PCOLCE: variants seen among roughly 807,000 people sequenced by gnomAD.
PCOLCE encodes procollagen C-endopeptidase enhancer 1.
PCOLCE carries 33 observed loss-of-function variants against 47.2 expected under a neutral mutation model. The observed-to-expected ratio is 0.70, with a 90% CI of 0.53 to 0.93. The LOEUF is 0.93. Among genes scored for constraint, PCOLCE ranks in the 40% least tolerant of loss-of-function variants. The pLI, the probability that PCOLCE is intolerant of heterozygous loss-of-function variation, is 0.00. For missense variants in PCOLCE, 584 were observed against 585.3 expected (o/e 1.00, Z 0.02); for synonymous variants, 254 against 252.5 (o/e 1.01, Z -0.06).
chr7:100,604,247 C>T lies in PCOLCE; in HGVS notation c.463+30C>T. 3.2e-6 allele frequency: 5 copies of T among 1,581,850 alleles called. No individual in the cohort carries two copies. The highest frequency in any genetic ancestry group is 1.3e-5 in the African/African-American group (1 of 74,490). On this transcript the variant is annotated intron_variant, in intron 3 of 8. Coordinates refer to ENST00000223061, the MANE Select transcript of PCOLCE (RefSeq NM_002593.4). The surrounding 1 kb of genome is among the most constrained non-coding windows in gnomAD (Gnocchi z 6.4). ...GAACTCCCTCACCTCCGCCTTCCCC[C>T]CCTCCAGGCCCCGCCCCGGCCGCAG...
chr7:100,605,633 A>G lies in PCOLCE; in HGVS notation c.589-43A>G, dbSNP rs373571999. ...AGTAGGAGATGAGGTGCAGGCGCCC[A>G]GGGGTGTCCCGCCGCGCAGTCCCCG... On this transcript the variant is annotated intron_variant, in intron 4 of 8. Coordinates refer to ENST00000223061, the MANE Select transcript of PCOLCE (RefSeq NM_002593.4). This position sits in a 1 kb window ranked among gnomAD's most constrained non-coding sequence, Gnocchi z 6.1. 6.4e-7 allele frequency: 1 copy of G among 1,552,598 alleles called. No homozygotes were observed. Among genetic ancestry groups the G allele is most frequent in the Middle Eastern group, 1.9e-4 (1 of 5,238 alleles).
chr7:100,607,118 G>A (rs544716375), intron 6 of PCOLCE, among the ~76,000 whole-genome samples: 362 of 136,392 alleles, frequency 2.7e-3, no homozygotes, highest in African/African-American at 9.8e-3. Context: ...TTAGCCAGGC[G>A]TGTGGTCATA....
In PCOLCE at chr7:100,602,373, C is replaced by T; in HGVS notation, c.-84C>T. 1 of 910,094 alleles carries T rather than the reference C, an allele frequency of 1.1e-6. No individual in the cohort carries two copies. Among genetic ancestry groups the T allele is most frequent in the Non-Finnish European group, 1.8e-6 (1 of 550,736 alleles). 56.4% of individuals were successfully genotyped at this position (910,094 alleles called of 1,614,324 possible). A position where few individuals can be genotyped will look rare whatever the true frequency, so the allele number is the denominator to read the frequency against. On this transcript the variant is annotated 5_prime_UTR_variant, in exon 1 of 9. Coordinates refer to ENST00000223061, the MANE Select transcript of PCOLCE (RefSeq NM_002593.4). ...GCCCCATCTGGCGCTGATTATCCTG[C>T]TGCTGCCGCCACCGCTGCTGCTGCT...
In PCOLCE at chr7:100,603,419, C is replaced by A; in HGVS notation, c.96-11C>A. Reference sequence around the variant, plus strand: ...TCCCTGCTCTTTCCTGACCCCTTTTCTGTTCTCCAGACCCGTGTTCCTGTG... The same window carrying A: ...TCCCTGCTCTTTCCTGACCCCTTTTATGTTCTCCAGACCCGTGTTCCTGTG... On this transcript the variant is annotated splice_polypyrimidine_tract_variant and intron_variant, in intron 1 of 8. Coordinates refer to ENST00000223061, the MANE Select transcript of PCOLCE (RefSeq NM_002593.4). 2 of 1,394,058 alleles carry A rather than the reference C, an allele frequency of 1.4e-6. No homozygotes were observed. Among genetic ancestry groups the A allele is most frequent in the Non-Finnish European group, 2.0e-6 (2 of 1,005,532 alleles). 86.4% of individuals were successfully genotyped at this position (1,394,058 alleles called of 1,614,324 possible).
chr7:100,606,686 A>G, intron 6 of PCOLCE, 56 bp downstream of exon 6: 5 of 1,378,554 alleles, frequency 3.6e-6, no homozygotes, highest in Non-Finnish European at 5.0e-6. Context: ...CATTTCAAAA[A>G]GTTCTGACCT....
rs1377964861 is a variant in PCOLCE, at chr7:100,607,653, G to A, written c.1029G>A (p.Val343=). 6.2e-7 allele frequency: 1 copy of A among 1,614,104 alleles called. No individual in the cohort carries two copies. Among genetic ancestry groups the A allele is most frequent in the Non-Finnish European group, 8.5e-7 (1 of 1,179,976 alleles). Reference sequence around the variant, plus strand: ...CTCCCACAGTGGTGACTGCGACAGTGAAGTCCATGGTTCGGGAGCCAGGGG... The same window carrying A: ...CTCCCACAGTGGTGACTGCGACAGTAAAGTCCATGGTTCGGGAGCCAGGGG... ...CASSLVVTAT[V]KSMVREPGEG... Residue 343 remains valine (V), a synonymous_variant, in exon 8 of 9, where the codon GTG becomes GTA. Coordinates refer to ENST00000223061, the MANE Select transcript of PCOLCE (RefSeq NM_002593.4).
chr7:100,604,083 G>A lies in PCOLCE; in HGVS notation c.329G>A (p.Arg110His). 6.2e-7 allele frequency: 1 copy of A among 1,609,570 alleles called. No homozygotes were observed. Among genetic ancestry groups the A allele is most frequent in the Non-Finnish European group, 8.5e-7 (1 of 1,179,988 alleles). Residue 110 changes from arginine to histidine, a missense_variant, in exon 3 of 9, where the codon CGC (arginine) becomes CAC (histidine). Physicochemically the swap from Arg to His is conservative, Grantham distance 29. Transcript: ENST00000223061. The surrounding 1 kb of genome is among the most constrained non-coding windows in gnomAD (Gnocchi z 6.4). ...GSGTSGQRLG[R>H]FCGTFRPAPL... is the part of the protein sequence containing the mutation. ...GGGACTTCCGGCCAGCGGCTCGGAC[G>A]CTTTTGTGGGACCTTCCGGCCTGCG...
chr7:100,604,633 C>T lies in PCOLCE; in HGVS notation c.463+416C>T. ...ACACCCAGCCCTGGGCTCCCGATTG[C>T]GGTCCCATCACCCCCTCCTGGCGGC... On this transcript the variant is annotated intron_variant, in intron 3 of 8. Coordinates refer to ENST00000223061, the MANE Select transcript of PCOLCE (RefSeq NM_002593.4). The surrounding 1 kb of genome is among the most constrained non-coding windows in gnomAD (Gnocchi z 6.4). 3.1e-6 allele frequency: 1 copy of T among 324,892 alleles called. No homozygotes were observed. Among genetic ancestry groups the T allele is most frequent in the Non-Finnish European group, 5.9e-6 (1 of 170,568 alleles). 20.1% of individuals were successfully genotyped at this position (324,892 alleles called of 1,614,324 possible).
chr7:100,602,625 G>A (rs1157642391), intron 1 of PCOLCE, 74 bp downstream of exon 1: 3 of 986,548 alleles, frequency 3.0e-6, no homozygotes, highest in Admixed American at 1.8e-5. Flanking sequence ...TATGCCTGGA[G>A]ATATTTTGGG....
intron 5 of PCOLCE, 80 bp from the exon 6 acceptor site, chr7:100,606,335 AC>A: frequency 2.0e-6 from 2 of 999,334 alleles, no homozygotes; most frequent in Non-Finnish European, 3.0e-6. Flanking sequence ...TCTCAAACAA[AC>A]AAAAAAGGTC....
rs765338639 is a variant in PCOLCE at position 100,607,436 on chromosome 7, C to G, written c.941-16C>G. The G allele has an allele frequency of 9.3e-6, 15 of 1,608,856 alleles. No individual in the cohort carries two copies. Among genetic ancestry groups the G allele is most frequent in the Non-Finnish European group, 1.2e-5 (14 of 1,175,630 alleles). Reference sequence around the variant, plus strand: ...TACCTGCTGAGCAGGTCACCCTCCACCCTCCTCCCTCCTAGATGCACCCAC... The same window carrying G: ...TACCTGCTGAGCAGGTCACCCTCCAGCCTCCTCCCTCCTAGATGCACCCAC... On this transcript the variant is annotated splice_polypyrimidine_tract_variant and intron_variant, in intron 6 of 8. Coordinates refer to ENST00000223061, the MANE Select transcript of PCOLCE (RefSeq NM_002593.4).
In PCOLCE at chr7:100,602,417, G is replaced by A; in HGVS notation, c.-40G>A. ...TGCTGCTCTGCAAAATTCAGCTGCT[G>A]CCTCTGTCTTGAGGACCCCAGCGCC... On this transcript the variant is annotated 5_prime_UTR_variant, in exon 1 of 9. Coordinates refer to ENST00000223061, the MANE Select transcript of PCOLCE (RefSeq NM_002593.4). 1 of 1,328,154 alleles carries A rather than the reference G, an allele frequency of 7.5e-7. No homozygotes were observed. The highest frequency in any genetic ancestry group is 1.1e-6 in the Non-Finnish European group (1 of 923,212). The allele number at this position is 1,328,154 out of a possible 1,614,324, so 82.3% of individuals were successfully genotyped here.
chr7:100,604,433 C>T lies in PCOLCE; in HGVS notation c.463+216C>T, dbSNP rs1802675368. On this transcript the variant is annotated intron_variant, in intron 3 of 8. Coordinates refer to ENST00000223061, the MANE Select transcript of PCOLCE (RefSeq NM_002593.4). The surrounding 1 kb of genome is among the most constrained non-coding windows in gnomAD (Gnocchi z 6.4). ...CCCACCCATCCCTCTTCCAGGGCCC[C>T]CCCCAGGCGCGAGGCGGAAATGGGT... The T allele has an allele frequency of 3.2e-6, 2 of 631,682 alleles. No homozygotes were observed. The highest frequency in any genetic ancestry group is 5.6e-6 in the Non-Finnish European group (2 of 355,838). 39.1% of individuals were successfully genotyped at this position (631,682 alleles called of 1,614,324 possible).
Position 100,604,062 on chromosome 7 carries a change from C to G in PCOLCE, c.308C>G (p.Thr103Ser), listed in dbSNP as rs759466802. 1 of 1,609,026 alleles carries G rather than the reference C, an allele frequency of 6.2e-7. No individual in the cohort carries two copies. The highest frequency in any genetic ancestry group is 8.5e-7 in the Non-Finnish European group (1 of 1,180,006). ...CTGGAGGTCTTCGCTGGGTCTGGGA[C>G]TTCCGGCCAGCGGCTCGGACGCTTT... ...DALEVFAGSGTSGQRLGRFCG... is the reference protein window; with the variant it reads ...DALEVFAGSGSSGQRLGRFCG... Residue 103 changes from threonine (T) to serine (S), a missense_variant, in exon 3 of 9, where the codon ACT becomes AGT. Transcript: ENST00000223061. This position sits in a 1 kb window ranked among gnomAD's most constrained non-coding sequence, Gnocchi z 6.4.
Position 100,604,780 on chromosome 7 carries a change from T to G in PCOLCE, c.464-311T>G. 1 of 402,424 alleles carries G rather than the reference T, an allele frequency of 2.5e-6. No individual in the cohort carries two copies. Among genetic ancestry groups the G allele is most frequent in the Non-Finnish European group, 4.6e-6 (1 of 219,252 alleles). 24.9% of individuals were successfully genotyped at this position (402,424 alleles called of 1,614,324 possible). On this transcript the variant is annotated intron_variant, in intron 3 of 8. Coordinates refer to ENST00000223061, the MANE Select transcript of PCOLCE (RefSeq NM_002593.4). This position sits in a 1 kb window ranked among gnomAD's most constrained non-coding sequence, Gnocchi z 6.4. ...GGACTCTGCTGCAGGGCCGGGGAGA[T>G]GGGATCTCCTAGGGGAAGAGGCGCG...
rs930678341 is a variant in PCOLCE, at chr7:100,604,459, C to G, written c.463+242C>G. ...CCCCAGGCGCGAGGCGGAAATGGGT[C>G]ACCGACCCGCGGGTGGAATGGGCGG... On this transcript the variant is annotated intron_variant, in intron 3 of 8. Transcript: ENST00000223061. This position sits in a 1 kb window ranked among gnomAD's most constrained non-coding sequence, Gnocchi z 6.4. The G allele has an allele frequency of 5.8e-5, 36 of 615,896 alleles. No individual in the cohort carries two copies. The highest frequency in any genetic ancestry group is 3.3e-4 in the Admixed American group (12 of 36,846). The allele number at this position is 615,896 out of a possible 1,614,324, so 38.2% of individuals were successfully genotyped here. A position where few individuals can be genotyped will look rare whatever the true frequency, so the allele number is the denominator to read the frequency against.
chr7:100,605,365 G>A lies in PCOLCE; in HGVS notation c.588+150G>A, dbSNP rs1802695566. On this transcript the variant is annotated intron_variant, in intron 4 of 8. Transcript: ENST00000223061. This position sits in a 1 kb window ranked among gnomAD's most constrained non-coding sequence, Gnocchi z 6.1. Reference sequence around the variant, plus strand: ...AAACAGCCCCAACCCCTGCATGCACGCAAACAAAAATGTAAAAATTACAAC... The same window carrying A: ...AAACAGCCCCAACCCCTGCATGCACACAAACAAAAATGTAAAAATTACAAC... 6.4e-6 allele frequency: 5 copies of A among 777,778 alleles called. No individual in the cohort carries two copies. Among genetic ancestry groups the A allele is most frequent in the Non-Finnish European group, 2.0e-6 (1 of 491,862 alleles). 48.2% of individuals were successfully genotyped at this position (777,778 alleles called of 1,614,324 possible). A position where few individuals can be genotyped will look rare whatever the true frequency, so the allele number is the denominator to read the frequency against.
At chr7:100,603,616 C>T (rs570863897) in intron 2 of PCOLCE, 78 bp downstream of exon 2, 13 of 637,700 alleles carry the variant, frequency 2.0e-5, no homozygotes, top group East Asian at 1.5e-4. Flanking sequence ...GACCCCCCCC[C>T]CGTCCCCCCC....
At chr7:100,606,173 A>G (rs781722220) in intron 5 of PCOLCE, 5 of 545,796 alleles carry the variant, frequency 9.2e-6, no homozygotes, top group Non-Finnish European at 1.6e-5. Context: ...TACCAAAAAT[A>G]CAAAATAATT....
Sources: allele counts gnomAD v4.1 joint callset (sites outside exome capture counted in the v4.1 genomes callset), GRCh38; gene constraint gnomAD v4.1.1; non-coding constraint Gnocchi (gnomAD v3.1); transcripts MANE v1.5; gene names NCBI Gene and HGNC (gene_info 2026-07-23, HGNC 2026-07-21).